Variants in ZFAND3 observed in about 807,000 individuals in gnomAD.
ZFAND3 encodes AN1-type zinc finger protein 3.
In ZFAND3, 10 loss-of-function variants were observed where a neutral mutation model predicts 29.6. The ratio of observed to expected loss-of-function variants is 0.34; its 90% CI spans 0.21 to 0.57. The LOEUF (loss-of-function observed/expected upper bound fraction) is 0.57. Among genes scored for constraint, ZFAND3 ranks in the 20% least tolerant of loss-of-function variants. The pLI is 0.86. For synonymous variants in ZFAND3, 128 were observed against 112.6 expected (o/e 1.14, Z -0.87); for missense variants, 230 against 304.5 (o/e 0.76, Z 1.82).
intron 2 of ZFAND3, among the ~76,000 whole-genome samples, chr6:37,937,157 A>G (rs1313791424): frequency 6.6e-6 from 1 of 152,224 alleles, no homozygotes; most frequent in East Asian, 1.9e-4. Flanking sequence ...GTTGTAGGTT[A>G]CAGCTGAATT....
intron 1 of ZFAND3, among the ~76,000 whole-genome samples, chr6:37,903,517 C>A (rs1765356015): frequency 6.6e-6 from 1 of 152,166 alleles, no homozygotes. Flanking sequence ...TTTCTTGCTA[C>A]CAAGCTTTTA....
intron 1 of ZFAND3, among the ~76,000 whole-genome samples, chr6:37,851,796 A>G (rs1581708529): frequency 6.6e-6 from 1 of 152,230 alleles, no homozygotes; most frequent in Admixed American, 6.5e-5. Context: ...TTGGCTACTT[A>G]GAGAAGATAC....
chr6:38,089,655 C>T (rs568906136), intron 4 of ZFAND3, among the ~76,000 whole-genome samples: 37 of 152,304 alleles, frequency 2.4e-4, no homozygotes, highest in African/African-American at 7.5e-4. Context: ...GGTATTAAAT[C>T]AGAAGTGGCC....
At chr6:37,867,135 C>T (rs969109686) in intron 1 of ZFAND3, among the ~76,000 whole-genome samples, 4 of 152,154 alleles carry the variant, frequency 2.6e-5, no homozygotes, top group African/African-American at 9.7e-5. Context: ...AAAATCCTTC[C>T]TATCTTTTTT....
intron 2 of ZFAND3, among the ~76,000 whole-genome samples, chr6:37,934,045 G>A (rs1761648560): frequency 6.6e-6 from 1 of 150,768 alleles, no homozygotes; most frequent in Admixed American, 6.6e-5. Flanking sequence ...GCGCCACCAC[G>A]CCTGGCTAAT....
chr6:38,016,104 CAGTAGTTCAGA>C (rs1203970475), intron 2 of ZFAND3, among the ~76,000 whole-genome samples: 1 of 151,898 alleles, frequency 6.6e-6, no homozygotes, highest in Non-Finnish European at 1.5e-5. Context: ...GTTCCTTAGA[CAGTAGTTCAGA>C]ACTTAGGTTT....
At chr6:37,858,945 A>G (rs541619871) in intron 1 of ZFAND3, among the ~76,000 whole-genome samples, 11 of 152,336 alleles carry the variant, frequency 7.2e-5, no homozygotes, top group Non-Finnish European at 1.5e-4. Context: ...TGCCAGGGCC[A>G]GCATTGTGCA....
chr6:37,929,856 G>T, intron 1 of ZFAND3, 103 bp from the exon 2 acceptor site: 1 of 1,137,018 alleles, frequency 8.8e-7, no homozygotes, highest in South Asian at 2.0e-5. Flanking sequence ...TCAGTTGCCT[G>T]ACCAGAAAGT....
chr6:37,857,121 T>C (rs545549653), intron 1 of ZFAND3, among the ~76,000 whole-genome samples: 1 of 152,270 alleles, frequency 6.6e-6, no homozygotes, highest in East Asian at 1.9e-4. Context: ...TTACTTTTTG[T>C]AGAGATGGGG....
chr6:38,124,770 C>T (rs11753408), intron 5 of ZFAND3, among the ~76,000 whole-genome samples: 10,878 of 152,260 alleles, frequency 0.071, 458 homozygotes, highest in Non-Finnish European at 0.087. Flanking sequence ...GCCCCCACAG[C>T]GCAGTGGCGG....
intron 1 of ZFAND3, among the ~76,000 whole-genome samples, chr6:37,860,156 C>CCA (rs1764457869): frequency 6.7e-6 from 1 of 148,250 alleles, no homozygotes; most frequent in African/African-American, 2.5e-5. Context: ...CAGGCGTGAA[C>CCA]CACCGTGCCA....
At chr6:38,075,845 G>A (rs112914955) in intron 3 of ZFAND3, among the ~76,000 whole-genome samples, 1,714 of 152,136 alleles carry the variant, frequency 0.011, 31 homozygotes, top group African/African-American at 0.039. Flanking sequence ...TCCACCTCCC[G>A]GGTTCACGCC....
chr6:37,887,905 A>G (rs1383844757), intron 1 of ZFAND3, among the ~76,000 whole-genome samples: 1 of 152,204 alleles, frequency 6.6e-6, no homozygotes, highest in Non-Finnish European at 1.5e-5. Context: ...AAGTCATGCT[A>G]TCTCAAGTGC....
chr6:38,145,355 A>G (rs1407405488), intron 5 of ZFAND3, among the ~76,000 whole-genome samples: 1 of 152,212 alleles, frequency 6.6e-6, no homozygotes, highest in Non-Finnish European at 1.5e-5. Flanking sequence ...ATTGATGTTG[A>G]TTTTTGTATA....
chr6:37,941,524 C>T (rs1188972688), intron 2 of ZFAND3, among the ~76,000 whole-genome samples: 2 of 152,022 alleles, frequency 1.3e-5, no homozygotes, highest in East Asian at 3.9e-4. Context: ...GTGGTGAGAT[C>T]TTCATTTCTT....
chr6:38,010,247 G>A, intron 2 of ZFAND3, among the ~76,000 whole-genome samples: 1 of 152,132 alleles, frequency 6.6e-6, no homozygotes, highest in Non-Finnish European at 1.5e-5. Context: ...AACCTAGCAT[G>A]CATAGCTTTG....
chr6:38,111,815 T>C (rs1765322983), intron 4 of ZFAND3, among the ~76,000 whole-genome samples: 2 of 152,186 alleles, frequency 1.3e-5, no homozygotes, highest in Non-Finnish European at 2.9e-5. Flanking sequence ...AATTTTCAGC[T>C]GTAACAGGGG....
chr6:37,943,351 C>T (rs1761844573), intron 2 of ZFAND3, among the ~76,000 whole-genome samples: 1 of 152,152 alleles, frequency 6.6e-6, no homozygotes, highest in African/African-American at 2.4e-5. Flanking sequence ...GTGCTTCCAT[C>T]TTCTCCTCAA....
chr6:38,141,548 AG>A (rs1765955326), intron 5 of ZFAND3, among the ~76,000 whole-genome samples: 1 of 152,252 alleles, frequency 6.6e-6, no homozygotes, highest in Non-Finnish European at 1.5e-5. Context: ...GCATATCTTC[AG>A]AAATTTTTAC....
Sources: allele counts gnomAD v4.1 joint callset (sites outside exome capture counted in the v4.1 genomes callset), GRCh38; gene constraint gnomAD v4.1.1; transcripts MANE v1.5; gene names NCBI Gene and HGNC (gene_info 2026-07-23, HGNC 2026-07-21).